The following DYNC1H1 variants were observed in gnomAD, a reference collection of about 807,000 sequenced individuals.
DYNC1H1 encodes dynein cytoplasmic 1 heavy chain 1, also known as cytoplasmic dynein 1 heavy chain 1.
In DYNC1H1, 51 loss-of-function variants were observed where a neutral mutation model predicts 527.1. The ratio of observed to expected loss-of-function variants is 0.10; its 90% CI spans 0.08 to 0.12. The LOEUF is 0.12. DYNC1H1 is among the 10% of genes least tolerant of loss of function. The pLI is 1.00. For missense variants in DYNC1H1, 2,771 were observed against 5,971.8 expected (o/e 0.46, Z 17.66); for synonymous variants, 2,189 against 2,278.8 (o/e 0.96, Z 1.12).
rs1348780728 is a variant in DYNC1H1 at position 102,049,671 on chromosome 14, T to A, written c.13516-43T>A. 4.3e-6 allele frequency: 7 copies of A among 1,613,460 alleles called. No individual in the cohort carries two copies. Among genetic ancestry groups the A allele is most frequent in the South Asian group, 1.1e-5 (1 of 91,066 alleles). ...TCTGGGGAAAAACACAGGGCCCAGGTCTGACCTGAGCTCCTTCCCCTGGGG... is the reference window on the plus strand; with the variant it reads ...TCTGGGGAAAAACACAGGGCCCAGGACTGACCTGAGCTCCTTCCCCTGGGG... On this transcript the variant is annotated intron_variant, in intron 75 of 77. Coordinates refer to ENST00000360184, the MANE Select transcript of DYNC1H1 (RefSeq NM_001376.5). The surrounding 1 kb of genome is among the most constrained non-coding windows in gnomAD (Gnocchi z 5.5).
At chr14:102,008,027 A>G (rs2048217244) in intron 28 of DYNC1H1, 151 bp from the exon 29 acceptor site, 1 of 1,113,546 alleles carries the variant, frequency 9.0e-7, no homozygotes, top group Non-Finnish European at 1.3e-6. Flanking sequence ...TTATGGCCTC[A>G]TTTAACCTTA....
chr14:102,014,994 G>A, intron 34 of DYNC1H1, 111 bp from the exon 35 acceptor site: 1 of 1,300,934 alleles, frequency 7.7e-7, no homozygotes. Flanking sequence ...TTCTGTATAG[G>A]AAAATTAAGT....
intron 1 of DYNC1H1, among the ~76,000 whole-genome samples, chr14:101,967,866 A>C (rs190898539): frequency 6.6e-6 from 1 of 152,274 alleles, no homozygotes; most frequent in Admixed American, 6.5e-5. Flanking sequence ...GTATAGAATA[A>C]ATGTTGTGAA....
Position 102,036,777 on chromosome 14 carries a change from A to T in DYNC1H1, c.10908+135A>T. ...TAAAGCTTTGCGGTGGTTCTGTAAT[A>T]GATAAATTCAACAGAATCATTATTT... On this transcript the variant is annotated intron_variant, in intron 57 of 77. Transcript: ENST00000360184. The surrounding 1 kb of genome is among the most constrained non-coding windows in gnomAD (Gnocchi z 5.6). 8.4e-7 allele frequency: 1 copy of T among 1,188,180 alleles called. No individual in the cohort carries two copies. The highest frequency in any genetic ancestry group is 1.2e-6 in the Non-Finnish European group (1 of 807,416). 73.6% of individuals were successfully genotyped at this position (1,188,180 alleles called of 1,614,324 possible). A position where few individuals can be genotyped will look rare whatever the true frequency, so the allele number is the denominator to read the frequency against.
chr14:101,982,188 A>G (rs2047875267), intron 5 of DYNC1H1, among the ~76,000 whole-genome samples: 2 of 152,208 alleles, frequency 1.3e-5, no homozygotes, highest in South Asian at 4.1e-4. Flanking sequence ...CTAATGCCTG[A>G]TGATCTGTCC....
At position 101,986,655 on chromosome 14, in the gene DYNC1H1, G is replaced by A; in HGVS notation, c.2430G>A (p.Lys810=). 1 of 1,613,270 alleles carries A rather than the reference G, an allele frequency of 6.2e-7. No homozygotes were observed. The highest frequency in any genetic ancestry group is 8.5e-7 in the Non-Finnish European group (1 of 1,179,232). The change falls in exon 8 of 78, where the codon AAG becomes AAA. Residue 810 remains lysine (K), a synonymous_variant. Coordinates refer to ENST00000360184, the MANE Select transcript of DYNC1H1 (RefSeq NM_001376.5). The surrounding 1 kb of genome is among the most constrained non-coding windows in gnomAD (Gnocchi z 8.7). ...CCCTTTTGGTGGCTGGCTTGAAAAA[G>A]GAAGTGCAGGCCCTGATCGCAGAAG... ...TISLLVAGLK[K]EVQALIAEGI... is the part of the protein sequence containing the mutation.
In DYNC1H1 at chr14:102,002,029, T is replaced by TC. The variant is rs1022438512; in HGVS notation, c.4542+350dup. ...CTTAAGCAGTCCTTCTGCACTGGCC[T>TC]CCTAAAGTGCCGGGATTACAGGCGT... On this transcript the variant is annotated intron_variant, in intron 21 of 77. Coordinates refer to ENST00000360184, the MANE Select transcript of DYNC1H1 (RefSeq NM_001376.5). The surrounding 1 kb of genome is among the most constrained non-coding windows in gnomAD (Gnocchi z 4.4). 6.6e-6 allele frequency among the ~76,000 whole-genome samples: 1 copy of TC among 152,002 alleles called. No individual in the cohort carries two copies. The highest frequency in any genetic ancestry group is 2.4e-5 in the African/African-American group (1 of 41,388).
At position 102,016,318 on chromosome 14, in the gene DYNC1H1, A is replaced by G. The variant is rs1029046374; in HGVS notation, c.7474-31A>G. 7 of 1,613,664 alleles carry G rather than the reference A, an allele frequency of 4.3e-6. No individual in the cohort carries two copies. The highest frequency in any genetic ancestry group is 2.5e-6 in the Non-Finnish European group (3 of 1,179,816). On this transcript the variant is annotated intron_variant, in intron 36 of 77. Coordinates refer to ENST00000360184, the MANE Select transcript of DYNC1H1 (RefSeq NM_001376.5). This position sits in a 1 kb window ranked among gnomAD's most constrained non-coding sequence, Gnocchi z 7.3. Reference sequence around the variant, plus strand: ...CTTTCTTTTGTTGTTGAAATTTTATAAAAATCAAAGTTTAATTCCCTTTTT... The same window carrying G: ...CTTTCTTTTGTTGTTGAAATTTTATGAAAATCAAAGTTTAATTCCCTTTTT...
rs976071379 is a variant in DYNC1H1, at chr14:102,020,890, C to T, written c.8507+834C>T. On this transcript the variant is annotated intron_variant, in intron 42 of 77. Transcript: ENST00000360184. This position sits in a 1 kb window ranked among gnomAD's most constrained non-coding sequence, Gnocchi z 4.3. ...AGTTGTAATCACTGGGTTTCCAACCCGAGTCCTTGGCATTCTTGGGCAACA... is the reference window on the plus strand; with the variant it reads ...AGTTGTAATCACTGGGTTTCCAACCTGAGTCCTTGGCATTCTTGGGCAACA... 4.6e-5 allele frequency among the ~76,000 whole-genome samples: 7 copies of T among 152,114 alleles called. No homozygotes were observed. Among genetic ancestry groups the T allele is most frequent in the Admixed American group, 3.3e-4 (5 of 15,270 alleles).
At chr14:102,043,755 T>A in intron 69 of DYNC1H1, 120 bp from the exon 70 acceptor site, 2 of 1,404,458 alleles carry the variant, frequency 1.4e-6, no homozygotes, top group Non-Finnish European at 2.0e-6. Flanking sequence ...CATGTGAATC[T>A]GCTGCCATCG....
chr14:101,980,444 A>G lies in DYNC1H1; in HGVS notation c.855A>G (p.Leu285=), dbSNP rs2047850441. The G allele has an allele frequency of 1.9e-6, 3 of 1,614,266 alleles. No homozygotes were observed. The highest frequency in any genetic ancestry group is 2.5e-6 in the Non-Finnish European group (3 of 1,180,048). Reference sequence around the variant, plus strand: ...TTTGGCTAAACTTGGAACGTGCGTTATACCGCATCCAGGAGAAACGGGAGA... The same window carrying G: ...TTTGGCTAAACTTGGAACGTGCGTTGTACCGCATCCAGGAGAAACGGGAGA... The part of the protein sequence containing the change: ...ISFWLNLERA[L]YRIQEKRESP... Residue 285 remains leucine (L), a synonymous_variant, in exon 5 of 78, where the codon TTA becomes TTG. Coordinates refer to ENST00000360184, the MANE Select transcript of DYNC1H1 (RefSeq NM_001376.5).
rs369206274 is a variant in DYNC1H1, at chr14:102,005,019, G to A, written c.5239-23G>A. The A allele has an allele frequency of 5.6e-6, 9 of 1,614,082 alleles. No individual in the cohort carries two copies. In the African/African-American group the frequency reaches 1.2e-4, roughly 22 times the overall value. On this transcript the variant is annotated intron_variant, in intron 25 of 77. Coordinates refer to ENST00000360184, the MANE Select transcript of DYNC1H1 (RefSeq NM_001376.5). This position sits in a 1 kb window ranked among gnomAD's most constrained non-coding sequence, Gnocchi z 4.0. ...ACCAATCTTTAAAATGATCCTTTGG[G>A]ATCTTGTTTCTGTGTCTTTCAGGCC... is the stretch of plus-strand genomic sequence containing the variant.
intron 56 of DYNC1H1, 75 bp downstream of exon 56, chr14:102,034,527 CT>C: frequency 6.2e-7 from 1 of 1,606,604 alleles, no homozygotes; most frequent in Non-Finnish European, 8.5e-7. Flanking sequence ...AAAATACACC[CT>C]TGTTTGAAGA....
chr14:102,044,036 C>T lies in DYNC1H1; in HGVS notation c.12675C>T (p.Asp4225=). 4 of 1,613,840 alleles carry T rather than the reference C, an allele frequency of 2.5e-6. No individual in the cohort carries two copies. The highest frequency in any genetic ancestry group is 3.4e-6 in the Non-Finnish European group (4 of 1,180,046). Residue 4225 remains aspartate, a synonymous_variant, in exon 70 of 78, where the codon GAC becomes GAT. Transcript: ENST00000360184. The surrounding 1 kb of genome is among the most constrained non-coding windows in gnomAD (Gnocchi z 7.1). ...ATACGGTGGACACGTGGCTGGATGACACGGCCAAGGCAAGTGTGGGCCATG... is the reference window on the plus strand; with the variant it reads ...ATACGGTGGACACGTGGCTGGATGATACGGCCAAGGCAAGTGTGGGCCATG... ...ACDTVDTWLD[D]TAKGRQNISP... is the part of the protein sequence containing the mutation.
chr14:102,006,265 G>A lies in DYNC1H1; in HGVS notation c.5716+95G>A, dbSNP rs1016764054. ...TGAATGTACTTCTTTTTGAGATGGA[G>A]TGTCTGTCGCCCAGGCTGGAGCACA... is the stretch of plus-strand genomic sequence containing the variant. On this transcript the variant is annotated intron_variant, in intron 27 of 77. Transcript: ENST00000360184. 3.2e-6 allele frequency: 5 copies of A among 1,558,700 alleles called. No individual in the cohort carries two copies. In the African/African-American group the frequency reaches 6.8e-5, roughly 21 times the overall value.
chr14:101,986,651 A>C lies in DYNC1H1; in HGVS notation c.2426A>C (p.Lys809Thr). Residue 809 changes from lysine (K) to threonine (T), a missense_variant, in exon 8 of 78, where the codon AAA becomes ACA. Lys to Thr is a moderately conservative substitution (Grantham distance 78). Coordinates refer to ENST00000360184, the MANE Select transcript of DYNC1H1 (RefSeq NM_001376.5). This position sits in a 1 kb window ranked among gnomAD's most constrained non-coding sequence, Gnocchi z 8.7. ...ATTTCCCTTTTGGTGGCTGGCTTGA[A>C]AAAGGAAGTGCAGGCCCTGATCGCA... ...NTISLLVAGLKKEVQALIAEG... is the reference protein window; with the variant it reads ...NTISLLVAGLTKEVQALIAEG... 6.2e-7 allele frequency: 1 copy of C among 1,613,196 alleles called. No homozygotes were observed. Among genetic ancestry groups the C allele is most frequent in the Non-Finnish European group, 8.5e-7 (1 of 1,179,178 alleles).
chr14:102,043,012 T>C, intron 69 of DYNC1H1: 1 of 489,148 alleles, frequency 2.0e-6, no homozygotes, highest in South Asian at 2.0e-5. Flanking sequence ...CCAGGAGTGG[T>C]GGCTCACGCC....
chr14:102,007,157 C>T, intron 28 of DYNC1H1, 49 bp downstream of exon 28: 2 of 1,590,480 alleles, frequency 1.3e-6, no homozygotes, highest in East Asian at 2.2e-5. Context: ...CTGCAGGGAT[C>T]ATTTGGGGAA....
Position 102,048,519 on chromosome 14 carries a change from C to A in DYNC1H1, c.13222C>A (p.Pro4408Thr), listed in dbSNP as rs756128189. 1 of 1,614,184 alleles carries A rather than the reference C, an allele frequency of 6.2e-7. No individual in the cohort carries two copies. Among genetic ancestry groups the A allele is most frequent in the Non-Finnish European group, 8.5e-7 (1 of 1,180,032 alleles). Residue 4408 changes from proline to threonine, a missense_variant, in exon 74 of 78, where the codon CCT becomes ACT. Physicochemically the swap from Pro to Thr is conservative, Grantham distance 38. Transcript: ENST00000360184. Reference protein sequence around the residue: ...LKRTVENIKDPLFRFFEREVK... With the variant: ...LKRTVENIKDTLFRFFEREVK... ...TCACCCTTTTGAACGATTTTAGGAT[C>A]CTTTGTTCAGGTTCTTTGAGAGAGA...
Sources: allele counts gnomAD v4.1 joint callset (sites outside exome capture counted in the v4.1 genomes callset), GRCh38; gene constraint gnomAD v4.1.1; non-coding constraint Gnocchi (gnomAD v3.1); transcripts MANE v1.5; gene names NCBI Gene and HGNC (gene_info 2026-07-23, HGNC 2026-07-21).